Variants in RNFT2 observed in about 807,000 individuals in gnomAD.
RNFT2 encodes ring finger protein, transmembrane 2, also known as E3 ubiquitin-protein ligase RNFT2.
A neutral mutation model predicts 53.0 loss-of-function variants in RNFT2; 36 were observed. The ratio of observed to expected loss-of-function variants is 0.68; its 90% CI spans 0.52 to 0.90. The LOEUF is 0.90. Ranked by LOEUF, RNFT2 falls within the 40% of genes least tolerant of loss-of-function variation. RNFT2 has a pLI of 0.00. For synonymous variants in RNFT2, 260 were observed against 253.2 expected, an observed-to-expected ratio of 1.03 and a Z score of -0.26; for missense variants, 514 against 585.6, an observed-to-expected ratio of 0.88 and a Z score of 1.26.
intron 6 of RNFT2, among the ~76,000 whole-genome samples, chr12:116,767,294 T>C (rs1872960683): frequency 6.6e-6 from 1 of 152,100 alleles, no homozygotes; most frequent in Non-Finnish European, 1.5e-5. Context: ...CATGGCTCAC[T>C]GCAGCCTCGA....
intron 5 of RNFT2, among the ~76,000 whole-genome samples, chr12:116,757,772 C>T (rs1872566820): frequency 1.3e-5 from 2 of 152,100 alleles, no homozygotes; most frequent in South Asian, 2.1e-4. Context: ...AAGTTCCATG[C>T]GCTGTTGAAT....
At chr12:116,815,117 T>C (rs898170984) in intron 7 of RNFT2, among the ~76,000 whole-genome samples, 2 of 152,026 alleles carry the variant, frequency 1.3e-5, no homozygotes, top group East Asian at 1.9e-4. Context: ...GTCCTAGTAG[T>C]AGTAGATGTA....
In RNFT2 at chr12:116,746,341, T is replaced by C. The variant is rs1871893395; in HGVS notation, c.84-3500T>C. Among the ~76,000 whole-genome samples, 4 of 152,112 alleles carry C rather than the reference T, an allele frequency of 2.6e-5. No homozygotes were observed. In the South Asian group the frequency reaches 8.3e-4, roughly 32 times the overall value. ...GTCTCCAGTGGGGTCGGGGCACCTG[T>C]CTTTTGCAAAAGCTCCCCCAAGTGA... On this transcript the variant is annotated intron_variant, in intron 3 of 10. Transcript: ENST00000257575.
intron 10 of RNFT2, among the ~76,000 whole-genome samples, chr12:116,846,000 C>A (rs1303415280): frequency 1.3e-5 from 2 of 152,162 alleles, no homozygotes; most frequent in South Asian, 4.1e-4. Flanking sequence ...CTCCAGGAAA[C>A]CTTCCTTGAC....
chr12:116,750,889 ATAATATATATATATATATAT>A (rs1339708217), intron 4 of RNFT2, among the ~76,000 whole-genome samples: 50 of 1,298 alleles, frequency 0.039, 3 homozygotes, highest in Admixed American at 0.24. Flanking sequence ...TATTATATAT[ATAATATATATATATATATAT>A]TTTTTTTTGA....
intron 7 of RNFT2, among the ~76,000 whole-genome samples, chr12:116,785,501 A>G (rs536632010): frequency 6.6e-6 from 1 of 152,114 alleles, no homozygotes; most frequent in East Asian, 1.9e-4. Flanking sequence ...TTTGTTGCCC[A>G]GGTTAGTCTT....
chr12:116,779,217 C>G lies in RNFT2; in HGVS notation c.751C>G (p.Leu251Val), dbSNP rs1873577916. 3 of 1,613,912 alleles carry G rather than the reference C, an allele frequency of 1.9e-6. No individual in the cohort carries two copies. Among genetic ancestry groups the G allele is most frequent in the African/African-American group, 2.7e-5 (2 of 74,944 alleles). ...YNSLIFLKPN[L>V]EMLDFFDLLW... ...CAGCCTCATATTCCTGAAGCCCAAC[C>G]TGGAGATGCTGGACTTCTTTGACCT... Residue 251 changes from leucine to valine, a missense_variant, in exon 7 of 11, where the codon CTG becomes GTG. Leu to Val is a conservative substitution (Grantham distance 32). Around this residue, in one of 3 missense-constraint regions of RNFT2, gnomAD observed 273 missense variants for 334.4 expected, o/e 0.82. Transcript: ENST00000257575.
intron 3 of RNFT2, among the ~76,000 whole-genome samples, chr12:116,745,858 GA>G (rs1871868198): frequency 6.6e-6 from 1 of 152,162 alleles, no homozygotes; most frequent in Admixed American, 6.5e-5. Context: ...ATACAGTGGG[GA>G]GCAAGGTTAT....
Position 116,779,240 on chromosome 12 carries a change from C to A in RNFT2, c.774C>A (p.Asp258Glu). 5 of 1,614,002 alleles carry A rather than the reference C, an allele frequency of 3.1e-6. No individual in the cohort carries two copies. The highest frequency in any genetic ancestry group is 4.2e-6 in the Non-Finnish European group (5 of 1,179,892). ...KPNLEMLDFFDLLWIVGIADF... is the reference protein window; with the variant it reads ...KPNLEMLDFFELLWIVGIADF... The stretch of plus-strand genomic sequence containing the variant: ...ACCTGGAGATGCTGGACTTCTTTGA[C>A]CTGCTATGGATTGTGGGGATCGCAG... Residue 258 changes from aspartate to glutamate, a missense_variant, in exon 7 of 11, where the codon GAC (aspartate) becomes GAA (glutamate). Physicochemically the swap from Asp to Glu is conservative, Grantham distance 45 (BLOSUM62 2). Around this residue, in one of 3 missense-constraint regions of RNFT2, gnomAD observed 273 missense variants for 334.4 expected, o/e 0.82. Transcript: ENST00000257575.
In RNFT2 at chr12:116,831,720, A is replaced by G. The variant is rs542155368; in HGVS notation, c.883-2072A>G. Among the ~76,000 whole-genome samples the G allele has an allele frequency of 1.8e-4, 27 of 152,220 alleles. No individual in the cohort carries two copies. The South Asian group carries it at 5.2e-3, about 29-fold the overall frequency. ...TTGTTTGTTTGATTTTATCAGCTTT[A>G]TAGAAGCAGGATTTAAATACAGTAA... On this transcript the variant is annotated intron_variant, in intron 7 of 10. Transcript: ENST00000257575.
chr12:116,842,457 CTT>C (rs916286789), intron 10 of RNFT2, among the ~76,000 whole-genome samples: 3 of 152,188 alleles, frequency 2.0e-5, no homozygotes, highest in African/African-American at 7.2e-5. Context: ...CTCCCCCTCT[CTT>C]GAGTCTCACT....
chr12:116,852,055 T>A lies in RNFT2; in HGVS notation c.*2607T>A. On this transcript the variant is annotated 3_prime_UTR_variant, in exon 11 of 11. Transcript: ENST00000257575. ...CTGTGATCTCTATGACAGAGCCACTTCTCCACCTCTGAAATGTTCCCTGCT... is the reference window on the plus strand; with the variant it reads ...CTGTGATCTCTATGACAGAGCCACTACTCCACCTCTGAAATGTTCCCTGCT... 1 of 1,152,060 alleles carries A rather than the reference T, an allele frequency of 8.7e-7. No homozygotes were observed. Among genetic ancestry groups the A allele is most frequent in the Non-Finnish European group, 1.2e-6 (1 of 843,470 alleles). 71.4% of individuals were successfully genotyped at this position (1,152,060 alleles called of 1,614,324 possible). A position where few individuals can be genotyped will look rare whatever the true frequency, so the allele number is the denominator to read the frequency against.
intron 5 of RNFT2, among the ~76,000 whole-genome samples, chr12:116,762,654 A>G (rs1330706267): frequency 2.7e-5 from 4 of 148,138 alleles, no homozygotes; most frequent in African/African-American, 1.0e-4. Flanking sequence ...ATCTCGGCTC[A>G]CTGCAACCTC....
At position 116,821,802 on chromosome 12, in the gene RNFT2, C is replaced by CTT. The variant is rs149043452; in HGVS notation, c.883-11959_883-11958dup. On this transcript the variant is annotated intron_variant, in intron 7 of 10. Coordinates refer to ENST00000257575, the MANE Select transcript of RNFT2 (RefSeq NM_001382266.1). ...TCCTCCTTTTTCTGACTACTTGTTT[C>CTT]TTTTTTTTTTTTTTTTTTTTTTTTT... 7.4e-3 allele frequency among the ~76,000 whole-genome samples: 326 copies of CTT among 43,934 alleles called. 43 individuals carry two copies. Among genetic ancestry groups the CTT allele is most frequent in the African/African-American group, 0.021 (205 of 9,790 alleles). The allele number at this position is 43,934 out of a possible 152,430, so 28.8% of individuals were successfully genotyped here. A position where few individuals can be genotyped will look rare whatever the true frequency, so the allele number is the denominator to read the frequency against.
At chr12:116,773,897 A>C (rs1464625955) in intron 6 of RNFT2, among the ~76,000 whole-genome samples, 1 of 152,240 alleles carries the variant, frequency 6.6e-6, no homozygotes, top group African/African-American at 2.4e-5. Context: ...GAAGCAACCC[A>C]GTGTCTATTG....
intron 7 of RNFT2, among the ~76,000 whole-genome samples, chr12:116,810,091 G>A (rs777123741): frequency 7.2e-5 from 11 of 152,220 alleles, no homozygotes; most frequent in Non-Finnish European, 1.0e-4. Context: ...GGACACCCCA[G>A]AGTGCCGAGA....
chr12:116,768,057 G>A (rs977824869), intron 6 of RNFT2, among the ~76,000 whole-genome samples: 2 of 151,384 alleles, frequency 1.3e-5, no homozygotes, highest in Non-Finnish European at 2.9e-5. Flanking sequence ...ATTGCCTCTT[G>A]GTGGGCACTG....
intron 7 of RNFT2, among the ~76,000 whole-genome samples, chr12:116,786,583 A>T (rs1214116293): frequency 6.6e-6 from 1 of 152,138 alleles, no homozygotes; most frequent in Non-Finnish European, 1.5e-5. Context: ...TTCTGTCTAG[A>T]TTCTTTCTCA....
intron 7 of RNFT2, among the ~76,000 whole-genome samples, chr12:116,787,234 C>T (rs1309210611): frequency 2.6e-5 from 4 of 152,236 alleles, no homozygotes; most frequent in South Asian, 2.1e-4. Context: ...CTCCCAAGCC[C>T]GTGGCTACTT....
Sources: gnomAD v4.1 joint callset for allele counts (sites outside exome capture counted in the v4.1 genomes callset) on GRCh38, gnomAD v4.1.1 for gene constraint, gnomAD v4.1.1 regional missense constraint, MANE v1.5 for transcripts, NCBI Gene and HGNC (gene_info 2026-07-23, HGNC 2026-07-21) for gene names.